The following CACFD1 variants were observed in gnomAD, a reference collection of about 807,000 sequenced individuals.
CACFD1 encodes calcium channel flower domain containing 1, also known as calcium channel flower homolog.
Under a neutral mutation model 21.3 loss-of-function variants are expected in CACFD1, and 26 were observed. The ratio of observed to expected loss-of-function variants is 1.22; its 90% confidence interval spans 0.89 to 1.69. The LOEUF is 1.69. Ranked by LOEUF, CACFD1 falls within the 40% of genes most tolerant of loss-of-function variation. CACFD1 has a pLI of 0.00. For missense variants in CACFD1, 265 were observed against 236.2 expected (o/e 1.12, Z -0.80); for synonymous variants, 121 against 106.6 (o/e 1.13, Z -0.83).
Position 133,463,542 on chromosome 9 carries a change from G to A in CACFD1, c.181G>A (p.Gly61Ser), listed in dbSNP as rs587735544. Residue 61 changes from glycine to serine, a missense_variant, in exon 2 of 5, where the codon GGC (glycine) becomes AGC (serine). Transcript: ENST00000316948. ...CATCCACCCTCTGAACATTGCGGCC[G>A]GCGTGTGGATGATGTGAGTAATGCA... ...ITIHPLNIAA[G>S]VWMIMNAFIL... is the part of the protein sequence containing the mutation. 1.5e-5 allele frequency: 25 copies of A among 1,614,046 alleles called. No individual in the cohort carries two copies. The highest frequency in any genetic ancestry group is 9.3e-5 in the African/African-American group (7 of 75,060).
intron 2 of CACFD1, chr9:133,464,939 G>A (rs1843373783): frequency 5.3e-6 from 1 of 189,996 alleles, no homozygotes; most frequent in Non-Finnish European, 1.1e-5. Flanking sequence ...ACAGCAGACA[G>A]AGGACACAGC....
At position 133,462,210 on chromosome 9, in the gene CACFD1, G is replaced by T. The variant is rs782540704; in HGVS notation, c.122-1273G>T. On this transcript the variant is annotated intron_variant, in intron 1 of 4. Coordinates refer to ENST00000316948, the MANE Select transcript of CACFD1 (RefSeq NM_017586.5). ...GCTGACTGCAGCAGGAAGCACAGCCGAGCTGTCAGGTGAGGCCAGGCACAG... is the reference window on the plus strand; with the variant it reads ...GCTGACTGCAGCAGGAAGCACAGCCTAGCTGTCAGGTGAGGCCAGGCACAG... The T allele has an allele frequency of 8.4e-6, 11 of 1,304,146 alleles. No individual in the cohort carries two copies. The Admixed American group carries it at 9.2e-5, about 11-fold the overall frequency. 80.8% of individuals were successfully genotyped at this position (1,304,146 alleles called of 1,614,324 possible). A position where few individuals can be genotyped will look rare whatever the true frequency, so the allele number is the denominator to read the frequency against.
intron 2 of CACFD1, 26 bp downstream of exon 2, chr9:133,463,581 C>G: frequency 6.2e-7 from 1 of 1,612,468 alleles, no homozygotes; most frequent in Non-Finnish European, 8.5e-7. Flanking sequence ...CCGTCCCACC[C>G]CGGGGGTCTT....
chr9:133,465,490 A>C lies in CACFD1; in HGVS notation c.320+43A>C, dbSNP rs1554799380. 1.3e-6 allele frequency: 2 copies of C among 1,568,448 alleles called. No homozygotes were observed. Among genetic ancestry groups the C allele is most frequent in the Non-Finnish European group, 1.7e-6 (2 of 1,155,338 alleles). ...AGGGTCCCGTGACACAGTTCCCCAA[A>C]ACCCCACTGACAAAATAGGACCCAA... On this transcript the variant is annotated intron_variant, in intron 3 of 4. Transcript: ENST00000316948. This position sits in a 1 kb window ranked among gnomAD's most constrained non-coding sequence, Gnocchi z 5.0.
chr9:133,470,723 CT>C lies in CACFD1; in HGVS notation c.*2071del, dbSNP rs1374915089. ...TCCTCCTTGTTTGTTCCTCTGTGTT[CT>C]GTGTGCGTCTTAAGCAATAAAGCGT... On this transcript the variant is annotated 3_prime_UTR_variant, in exon 5 of 5. Coordinates refer to ENST00000316948, the MANE Select transcript of CACFD1 (RefSeq NM_017586.5). 3.3e-5 allele frequency: 5 copies of C among 152,738 alleles called. No homozygotes were observed. Among genetic ancestry groups the C allele is most frequent in the African/African-American group, 1.2e-4 (5 of 41,578 alleles). 9.5% of individuals were successfully genotyped at this position (152,738 alleles called of 1,614,324 possible).
intron 2 of CACFD1, chr9:133,464,974 A>G (rs1468005546): frequency 4.6e-6 from 1 of 219,596 alleles, no homozygotes; most frequent in Non-Finnish European, 9.1e-6. Flanking sequence ...CTGTGGATGA[A>G]CCTGCCGCAG....
At position 133,466,696 on chromosome 9, in the gene CACFD1, C is replaced by T. The variant is rs79116465; in HGVS notation, c.321-1225C>T. On this transcript the variant is annotated intron_variant, in intron 3 of 4. Coordinates refer to ENST00000316948, the MANE Select transcript of CACFD1 (RefSeq NM_017586.5). ...AAAAATATTTTAAGATGCGTGGCTA[C>T]GTTGCTTTCCAAAGAGGTCCCTTGA... Among the ~76,000 whole-genome samples the T allele has an allele frequency of 9.3e-3, 1,415 of 152,276 alleles. 26 individuals are homozygous for T. Among genetic ancestry groups the T allele is most frequent in the African/African-American group, 0.032 (1,346 of 41,536 alleles).
In CACFD1 at chr9:133,465,171, G is replaced by A. The variant is rs1843383085; in HGVS notation, c.195-151G>A. 1.2e-6 allele frequency: 1 copy of A among 813,414 alleles called. No homozygotes were observed. Among genetic ancestry groups the A allele is most frequent in the African/African-American group, 1.7e-5 (1 of 59,738 alleles). 50.4% of individuals were successfully genotyped at this position (813,414 alleles called of 1,614,324 possible). A position where few individuals can be genotyped will look rare whatever the true frequency, so the allele number is the denominator to read the frequency against. On this transcript the variant is annotated intron_variant, in intron 2 of 4. Coordinates refer to ENST00000316948, the MANE Select transcript of CACFD1 (RefSeq NM_017586.5). The surrounding 1 kb of genome is among the most constrained non-coding windows in gnomAD (Gnocchi z 5.0). ...GGCTCTCCGAGGGGTACGAGCAGGT[G>A]CCCTGGAGCAGCCGGGCGGCTTCCC...
chr9:133,466,252 A>T (rs1208377283), intron 3 of CACFD1, among the ~76,000 whole-genome samples: 1 of 152,224 alleles, frequency 6.6e-6, no homozygotes, highest in Non-Finnish European at 1.5e-5. Context: ...GGTTCAAAAA[A>T]CTGTATTTTA....
chr9:133,464,374 T>C (rs1461892131), intron 2 of CACFD1, among the ~76,000 whole-genome samples: 1 of 152,122 alleles, frequency 6.6e-6, no homozygotes, highest in African/African-American at 2.4e-5. Context: ...CCAGCCCAGC[T>C]TCAGGGGGTG....
chr9:133,462,079 A>G (rs1331176581), intron 1 of CACFD1: 4 of 1,301,406 alleles, frequency 3.1e-6, no homozygotes, highest in South Asian at 2.5e-5. Flanking sequence ...CTTTATTGCT[A>G]AAGGATTCCT....
At chr9:133,464,944 C>T in intron 2 of CACFD1, 1 of 194,298 alleles carries the variant, frequency 5.1e-6, no homozygotes, top group East Asian at 1.6e-4. Context: ...AGACAGAGGA[C>T]ACAGCTGCCA....
chr9:133,460,013 G>A lies in CACFD1; in HGVS notation c.-54G>A. Reference sequence around the variant, plus strand: ...CAAGGCAGCGCGCCGGCTCGGACGCGGCCGGCTACCGAGCCCTTTGTGAGG... The same window carrying A: ...CAAGGCAGCGCGCCGGCTCGGACGCAGCCGGCTACCGAGCCCTTTGTGAGG... On this transcript the variant is annotated 5_prime_UTR_variant, in exon 1 of 5. Transcript: ENST00000316948. 1.4e-6 allele frequency: 2 copies of A among 1,474,772 alleles called. No individual in the cohort carries two copies. The highest frequency in any genetic ancestry group is 5.5e-5 in the East Asian group (2 of 36,526). The allele number at this position is 1,474,772 out of a possible 1,614,324, so 91.4% of individuals were successfully genotyped here.
At chr9:133,463,868 C>T (rs1357513234) in intron 2 of CACFD1, among the ~76,000 whole-genome samples, 1 of 152,264 alleles carries the variant, frequency 6.6e-6, no homozygotes, top group Admixed American at 6.5e-5. Context: ...TCCACTGAGA[C>T]TGCAGATGCC....
intron 1 of CACFD1, chr9:133,461,814 G>A: frequency 1.0e-6 from 1 of 953,028 alleles, no homozygotes; most frequent in Non-Finnish European, 1.2e-6. Context: ...CTGTATTACA[G>A]GGTAGAATGC....
chr9:133,460,404 CGGGCT>C (rs587673020), intron 1 of CACFD1, among the ~76,000 whole-genome samples: 3 of 120,504 alleles, frequency 2.5e-5, no homozygotes, highest in African/African-American at 5.3e-5. Flanking sequence ...CTTGGTACCC[CGGGCT>C]GGGCTGGGCT....
chr9:133,466,159 T>A (rs68011680), intron 3 of CACFD1, among the ~76,000 whole-genome samples: 41,347 of 152,178 alleles, frequency 0.27, 6,442 homozygotes, highest in South Asian at 0.36. Flanking sequence ...TGCTTAGTTC[T>A]GGAGCCATCT....
At chr9:133,462,275 C>T in intron 1 of CACFD1, 2 of 1,304,050 alleles carry the variant, frequency 1.5e-6, no homozygotes, top group Non-Finnish European at 1.0e-6. Context: ...GGGCACTCTG[C>T]TAGGACAGGC....
intron 4 of CACFD1, 199 bp downstream of exon 4, chr9:133,468,227 C>T: frequency 7.5e-7 from 1 of 1,337,920 alleles, no homozygotes; most frequent in Non-Finnish European, 1.0e-6. Flanking sequence ...GTGGCCCAGT[C>T]TTGCCCCGTC....
Sources: gnomAD v4.1 joint callset for allele counts (sites outside exome capture counted in the v4.1 genomes callset) on GRCh38, gnomAD v4.1.1 for gene constraint, Gnocchi (gnomAD v3.1) non-coding constraint, MANE v1.5 for transcripts, NCBI Gene and HGNC (gene_info 2026-07-23, HGNC 2026-07-21) for gene names.